The following DGLUCY variants were observed in gnomAD, a reference collection of about 807,000 sequenced individuals.
The protein encoded by DGLUCY is D-glutamate cyclase, mitochondrial.
In DGLUCY, 58 loss-of-function variants were observed where a neutral mutation model predicts 58.5. The ratio of observed to expected loss-of-function variants is 0.99; its 90% CI spans 0.80 to 1.23. The LOEUF (loss-of-function observed/expected upper bound fraction) is 1.23. Ranked by LOEUF, DGLUCY falls within the 50% of genes most tolerant of loss-of-function variation. The probability of loss-of-function intolerance (pLI) is 0.00; values close to 1 mark genes in which losing one functional copy is unlikely to be tolerated. For synonymous variants in DGLUCY, 325 were observed against 314.1 expected, an observed-to-expected ratio of 1.03 and a Z score of -0.37; for missense variants, 779 against 784.7, an observed-to-expected ratio of 0.99 and a Z score of 0.09.
At chr14:91,133,048 CT>C (rs2046117748) in intron 1 of DGLUCY, among the ~76,000 whole-genome samples, 1 of 152,018 alleles carries the variant, frequency 6.6e-6, no homozygotes. Context: ...AATCCCAGCA[CT>C]TTGGAAGGCT....
intron 1 of DGLUCY, among the ~76,000 whole-genome samples, chr14:91,154,861 A>G (rs551597538): frequency 2.0e-5 from 3 of 152,274 alleles, no homozygotes; most frequent in South Asian, 4.1e-4. Flanking sequence ...ATTTCTTCAC[A>G]TGACAGGTGG....
At chr14:91,203,339 A>G (rs1168517060) in intron 11 of DGLUCY, among the ~76,000 whole-genome samples, 1 of 152,188 alleles carries the variant, frequency 6.6e-6, no homozygotes, top group Non-Finnish European at 1.5e-5. Flanking sequence ...TCACTCCCTG[A>G]TGTTTGAGAT....
At chr14:91,094,311 T>A (rs1244051394) in intron 1 of DGLUCY, among the ~76,000 whole-genome samples, 2 of 151,840 alleles carry the variant, frequency 1.3e-5, no homozygotes, top group Non-Finnish European at 2.9e-5. Flanking sequence ...GGCAGGTGCC[T>A]GTAATCCCAG....
chr14:91,107,697 T>G (rs962394769), upstream of DGLUCY, among the ~76,000 whole-genome samples: 1 of 152,002 alleles, frequency 6.6e-6, no homozygotes, highest in Admixed American at 6.6e-5. Flanking sequence ...GACCTGCTCT[T>G]GTGAAGCTTA....
intron 8 of DGLUCY, 102 bp from the exon 9 acceptor site, chr14:91,188,808 G>A (rs1386879812): frequency 1.5e-6 from 2 of 1,334,552 alleles, no homozygotes; most frequent in Admixed American, 5.0e-5. Flanking sequence ...CAGCCTGGAT[G>A]ACAGAGCAAA....
At chr14:91,086,689 C>G (rs1037578572) in intron 1 of DGLUCY, among the ~76,000 whole-genome samples, 2 of 152,112 alleles carry the variant, frequency 1.3e-5, no homozygotes, top group Non-Finnish European at 2.9e-5. Context: ...TTCAGATTCT[C>G]TATCAGATCA....
At chr14:91,060,388 G>A in exon 1 of DGLUCY, 2 of 1,508,956 alleles carry the variant, frequency 1.3e-6, no homozygotes, top group Non-Finnish European at 1.8e-6. Context: ...GCCGCCGTCC[G>A]CGCTGGTCCC....
At chr14:91,086,846 G>A in intron 1 of DGLUCY, among the ~76,000 whole-genome samples, 1 of 152,052 alleles carries the variant, frequency 6.6e-6, no homozygotes, top group Admixed American at 6.6e-5. Context: ...CTCCACCTCC[G>A]AGGCTTAAGC....
intron 1 of DGLUCY, among the ~76,000 whole-genome samples, chr14:91,149,773 T>G (rs1046732168): frequency 6.6e-6 from 1 of 152,264 alleles, no homozygotes; most frequent in African/African-American, 2.4e-5. Context: ...CCTTGGACTT[T>G]TGCCACTTGG....
intron 5 of DGLUCY, among the ~76,000 whole-genome samples, chr14:91,172,907 G>A (rs983408970): frequency 6.6e-6 from 1 of 152,152 alleles, no homozygotes; most frequent in Non-Finnish European, 1.5e-5. Context: ...GGCCTCCCAA[G>A]TGCTGGGATT....
intron 1 of DGLUCY, among the ~76,000 whole-genome samples, chr14:91,085,140 T>G (rs2044191014): frequency 6.6e-6 from 1 of 150,732 alleles, no homozygotes; most frequent in Non-Finnish European, 1.5e-5. Flanking sequence ...GAGGATTGCT[T>G]GAACCCAGGA....
intron 12 of DGLUCY, among the ~76,000 whole-genome samples, chr14:91,208,414 C>G (rs1030004481): frequency 6.6e-6 from 1 of 152,122 alleles, no homozygotes; most frequent in Non-Finnish European, 1.5e-5. Flanking sequence ...ATTATGTATG[C>G]CATATGTATA....
chr14:91,110,162 C>T (rs1052564822), upstream of DGLUCY, among the ~76,000 whole-genome samples: 2 of 152,242 alleles, frequency 1.3e-5, no homozygotes, highest in African/African-American at 4.8e-5. Context: ...CACACTGTGA[C>T]ACCAGCTGAA....
intron 12 of DGLUCY, among the ~76,000 whole-genome samples, chr14:91,207,070 G>A (rs972116386): frequency 6.7e-6 from 1 of 148,400 alleles, no homozygotes; most frequent in African/African-American, 2.5e-5. Flanking sequence ...GAGGTGGGAG[G>A]AGAACTTGAG....
chr14:91,119,099 G>A (rs1366190619), intron 1 of DGLUCY, among the ~76,000 whole-genome samples: 3 of 152,236 alleles, frequency 2.0e-5, no homozygotes, highest in Middle Eastern at 3.4e-3. Context: ...GCTCAAAAAG[G>A]GTAGAAGATT....
intron 1 of DGLUCY, among the ~76,000 whole-genome samples, chr14:91,076,809 A>C (rs762473783): frequency 4.6e-5 from 7 of 152,156 alleles, no homozygotes; most frequent in African/African-American, 7.2e-5. Flanking sequence ...ACCCCAGAGC[A>C]ATGAGGCTGC....
chr14:91,130,316 T>C (rs1456347902), intron 1 of DGLUCY, among the ~76,000 whole-genome samples: 1 of 151,296 alleles, frequency 6.6e-6, no homozygotes, highest in African/African-American at 2.4e-5. Flanking sequence ...TTTTTTTTTT[T>C]TTTTAGACAG....
At chr14:91,065,018 AAAACTTAGT>A (rs766501785) in intron 1 of DGLUCY, among the ~76,000 whole-genome samples, 9 of 152,234 alleles carry the variant, frequency 5.9e-5, no homozygotes, top group Non-Finnish European at 1.2e-4. Flanking sequence ...GAAGAGTTGC[AAAACTTAGT>A]AAACTTAGTA....
At chr14:91,172,927 A>G (rs2048650417) in intron 5 of DGLUCY, among the ~76,000 whole-genome samples, 1 of 152,192 alleles carries the variant, frequency 6.6e-6, no homozygotes, top group Non-Finnish European at 1.5e-5. Context: ...TACAGGTGTG[A>G]GCCATCGTGT....
Sources: allele counts gnomAD v4.1 joint callset (sites outside exome capture counted in the v4.1 genomes callset), GRCh38; gene constraint gnomAD v4.1.1; transcripts MANE v1.5; gene names NCBI Gene and HGNC (gene_info 2026-07-23, HGNC 2026-07-21).